Variants in FBN2 observed in about 807,000 individuals in gnomAD.
FBN2 encodes fibrillin 2, also known as fibrillin-2.
FBN2 carries 105 observed loss-of-function variants against 355.6 expected under a neutral mutation model. That is an observed-to-expected ratio of 0.30 (90% CI 0.25 to 0.35). The LOEUF (loss-of-function observed/expected upper bound fraction) is 0.35, where lower values mean the gene tolerates loss of function less well. Ranked by LOEUF, FBN2 falls within the 10% of genes least tolerant of loss-of-function variation. The pLI is 1.00. For synonymous variants in FBN2, 1,350 were observed against 1,301.2 expected (o/e 1.04, Z -0.81); for missense variants, 3,280 against 3,758.7 (o/e 0.87, Z 3.33).
At chr5:128,435,410 A>C (rs1753747099) in intron 7 of FBN2, among the ~76,000 whole-genome samples, 1 of 152,218 alleles carries the variant, frequency 6.6e-6, no homozygotes, top group African/African-American at 2.4e-5. Context: ...AACTGTACTA[A>C]AAGTCATCAC....
At chr5:128,497,315 A>C (rs888140443) in intron 5 of FBN2, among the ~76,000 whole-genome samples, 2 of 152,194 alleles carry the variant, frequency 1.3e-5, no homozygotes, top group African/African-American at 4.8e-5. Flanking sequence ...AGATCCTCAG[A>C]GATTTGTGGA....
At chr5:128,290,295 A>C (rs573736113) in intron 50 of FBN2, among the ~76,000 whole-genome samples, 18 of 152,306 alleles carry the variant, frequency 1.2e-4, no homozygotes, top group Admixed American at 9.1e-4. Flanking sequence ...GGTGCCAATG[A>C]GACCTGAGGC....
chr5:128,360,738 GT>G (rs1751618116), intron 19 of FBN2, among the ~76,000 whole-genome samples: 1 of 151,568 alleles, frequency 6.6e-6, no homozygotes, highest in African/African-American at 2.4e-5. Flanking sequence ...AAGTTAAACA[GT>G]AAGATGAAGA....
chr5:128,397,158 T>C (rs1050603231), intron 8 of FBN2, among the ~76,000 whole-genome samples: 2 of 152,182 alleles, frequency 1.3e-5, no homozygotes, highest in Non-Finnish European at 2.9e-5. Flanking sequence ...TTTCAAAAAC[T>C]TGAGTTGGAT....
chr5:128,379,452 A>T (rs1437877257), intron 11 of FBN2, among the ~76,000 whole-genome samples: 2 of 152,124 alleles, frequency 1.3e-5, no homozygotes, highest in Non-Finnish European at 2.9e-5. Context: ...AACATGAGGG[A>T]GTAGAAAATG....
chr5:128,291,750 CAA>C, intron 48 of FBN2, 96 bp from the exon 49 acceptor site: 2 of 1,122,302 alleles, frequency 1.8e-6, no homozygotes, highest in East Asian at 2.4e-5. Context: ...ATATTTCAGA[CAA>C]GAGATATTAC....
At chr5:128,461,567 A>C (rs766334708) in intron 6 of FBN2, among the ~76,000 whole-genome samples, 15 of 152,248 alleles carry the variant, frequency 9.9e-5, no homozygotes, top group Non-Finnish European at 1.9e-4. Flanking sequence ...TTATTGCAGC[A>C]GTATTTACAA....
chr5:128,395,012 C>T, intron 9 of FBN2, 110 bp downstream of exon 9: 1 of 1,260,484 alleles, frequency 7.9e-7, no homozygotes, highest in Non-Finnish European at 1.2e-6. Flanking sequence ...TTTTGAACTT[C>T]TGGACTCAAG....
chr5:128,508,986 A>G (rs529646366), intron 5 of FBN2, among the ~76,000 whole-genome samples: 4 of 152,096 alleles, frequency 2.6e-5, no homozygotes, highest in South Asian at 4.1e-4. Context: ...CTTTTCCTCT[A>G]TACAAAATGT....
intron 40 of FBN2, 31 bp downstream of exon 40, chr5:128,309,952 G>C (rs1316470350): frequency 1.2e-6 from 2 of 1,610,346 alleles, no homozygotes; most frequent in South Asian, 2.2e-5. Context: ...CAACAACTGT[G>C]CTCTAATTAA....
At chr5:128,521,253 A>G (rs1756425904) in intron 4 of FBN2, among the ~76,000 whole-genome samples, 1 of 152,166 alleles carries the variant, frequency 6.6e-6, no homozygotes. Context: ...ATCCTCAGCA[A>G]ACTAACACAG....
At chr5:128,506,932 C>T (rs1242900118) in intron 5 of FBN2, among the ~76,000 whole-genome samples, 1 of 152,040 alleles carries the variant, frequency 6.6e-6, no homozygotes, top group Non-Finnish European at 1.5e-5. Flanking sequence ...TAGGATAAAT[C>T]TCAATTGGCT....
At chr5:128,282,997 T>C (rs1358456415) in intron 55 of FBN2, among the ~76,000 whole-genome samples, 3 of 152,196 alleles carry the variant, frequency 2.0e-5, no homozygotes, top group Non-Finnish European at 4.4e-5. Flanking sequence ...TCTCACTTTC[T>C]AAAATGACAT....
intron 5 of FBN2, among the ~76,000 whole-genome samples, chr5:128,495,426 A>G (rs546629868): frequency 1.3e-5 from 2 of 152,318 alleles, no homozygotes; most frequent in South Asian, 4.1e-4. Flanking sequence ...AAACTTGATG[A>G]AACACTATTA....
intron 7 of FBN2, among the ~76,000 whole-genome samples, chr5:128,436,959 A>G (rs1437249280): frequency 6.6e-6 from 1 of 152,198 alleles, no homozygotes; most frequent in East Asian, 1.9e-4. Context: ...ACCCAGCAAC[A>G]GTAAGCCAAA....
At chr5:128,311,800 G>C in intron 38 of FBN2, 85 bp downstream of exon 38, 1 of 944,308 alleles carries the variant, frequency 1.1e-6, no homozygotes, top group Non-Finnish European at 1.7e-6. Context: ...TGTCGGGGCT[G>C]CTCTGCCCTA....
rs184329850 is a variant in FBN2 at position 128,324,718 on chromosome 5, C to G, written c.4471+3978G>C. On this transcript the variant is annotated intron_variant, in intron 34 of 64. Coordinates refer to ENST00000262464, the MANE Select transcript of FBN2 (RefSeq NM_001999.4). ...CTGCAAGCTCTGCCTCCCGGGTTCA[C>G]GCCATTCTCCTGCTTCAGCCTCCTG... is the stretch of plus-strand genomic sequence containing the variant. Among the ~76,000 whole-genome samples the G allele has an allele frequency of 7.3e-5, 11 of 151,586 alleles. No individual in the cohort carries two copies. The East Asian group carries it at 2.1e-3, about 30-fold the overall frequency.
intron 55 of FBN2, among the ~76,000 whole-genome samples, chr5:128,282,171 T>C (rs1765566286): frequency 1.3e-5 from 2 of 152,186 alleles, no homozygotes; most frequent in African/African-American, 4.8e-5. Context: ...TTGTAAGAAA[T>C]CTGGTTTTTC....
At chr5:128,293,279 G>A (rs1749383675) in intron 48 of FBN2, among the ~76,000 whole-genome samples, 1 of 152,094 alleles carries the variant, frequency 6.6e-6, no homozygotes, top group Non-Finnish European at 1.5e-5. Flanking sequence ...ATCACTTGAG[G>A]TCAGGAGTTC....
Sources: gnomAD v4.1 joint callset for allele counts (sites outside exome capture counted in the v4.1 genomes callset) on GRCh38, gnomAD v4.1.1 for gene constraint, MANE v1.5 for transcripts, NCBI Gene and HGNC (gene_info 2026-07-23, HGNC 2026-07-21) for gene names.